SLC30A6: variants seen among roughly 807,000 people sequenced by gnomAD.
SLC30A6 encodes the protein solute carrier family 30 member 6, also known as zinc transporter 6.
A neutral mutation model predicts 63.0 loss-of-function variants in SLC30A6; 55 were observed. The ratio of observed to expected loss-of-function variants is 0.87; its 90% CI spans 0.70 to 1.09. SLC30A6 has a LOEUF of 1.09. Ranked by LOEUF, SLC30A6 falls within the 50% of genes least tolerant of loss-of-function variation. The pLI, the probability that SLC30A6 is intolerant of heterozygous loss-of-function variation, is 0.00. For synonymous variants in SLC30A6, 224 were observed against 186.1 expected (o/e 1.20, Z -1.66); for missense variants, 587 against 549.2 (o/e 1.07, Z -0.69).
At chr2:32,216,536 A>AAT (rs869151344) in intron 13 of SLC30A6, among the ~76,000 whole-genome samples, 2 of 24,428 alleles carry the variant, frequency 8.2e-5, no homozygotes, top group African/African-American at 2.9e-4. Flanking sequence ...ACTCTCTCAA[A>AAT]ATAAATAAAT....
chr2:32,207,602 C>G (rs1158342078), intron 12 of SLC30A6, among the ~76,000 whole-genome samples: 1 of 151,806 alleles, frequency 6.6e-6, no homozygotes. Context: ...GTCTTGAACT[C>G]CTGACCTTGT....
intron 1 of SLC30A6, among the ~76,000 whole-genome samples, chr2:32,166,866 A>G (rs916656904): frequency 2.6e-4 from 39 of 152,340 alleles, no homozygotes; most frequent in African/African-American, 9.1e-4. Context: ...CTTTTTGGCT[A>G]ATGATCAAAT....
At chr2:32,177,543 C>T (rs879723864) in intron 4 of SLC30A6, 6 of 205,380 alleles carry the variant, frequency 2.9e-5, no homozygotes, top group East Asian at 1.8e-4. Context: ...CCACCCACCT[C>T]GGCCTACCAA....
intron 10 of SLC30A6, chr2:32,203,868 A>T (rs1573380001): frequency 8.9e-7 from 1 of 1,122,574 alleles, no homozygotes; most frequent in Non-Finnish European, 1.4e-6. Flanking sequence ...CGGGCCGATC[A>T]GGTGGTCGAT....
chr2:32,181,512 C>A (rs1028546436), intron 4 of SLC30A6, among the ~76,000 whole-genome samples: 1 of 151,916 alleles, frequency 6.6e-6, no homozygotes, highest in Middle Eastern at 3.4e-3. Context: ...TTTCAGATTT[C>A]TTATTATTAA....
In SLC30A6 at chr2:32,192,925, C is replaced by A; in HGVS notation, c.373C>A (p.Arg125Ser). 1 of 1,522,152 alleles carries A rather than the reference C, an allele frequency of 6.6e-7. No homozygotes were observed. The highest frequency in any genetic ancestry group is 2.4e-5 in the East Asian group (1 of 41,984). The allele number at this position is 1,522,152 out of a possible 1,614,324, so 94.3% of individuals were successfully genotyped here. A position where few individuals can be genotyped will look rare whatever the true frequency, so the allele number is the denominator to read the frequency against. The change falls in exon 7 of 14, where the codon CGC (arginine) becomes AGC (serine). Residue 125 changes from arginine to serine, a missense_variant. Coordinates refer to ENST00000282587, the MANE Select transcript of SLC30A6 (RefSeq NM_017964.5). Reference sequence around the variant, plus strand: ...TATTTTTATTTCTTATAGTGCAGAACGCTTTTTGGAACAGCCCGAGATACA... The same window carrying A: ...TATTTTTATTTCTTATAGTGCAGAAAGCTTTTTGGAACAGCCCGAGATACA... ...ALFILKESAERFLEQPEIHTG... is the reference protein window; with the variant it reads ...ALFILKESAESFLEQPEIHTG...
chr2:32,209,865 A>G (rs1008738265), intron 13 of SLC30A6, among the ~76,000 whole-genome samples: 3 of 152,198 alleles, frequency 2.0e-5, no homozygotes, highest in African/African-American at 4.8e-5. Context: ...GTTAATGATA[A>G]TAATACAGGA....
intron 5 of SLC30A6, among the ~76,000 whole-genome samples, chr2:32,186,519 C>G (rs962527567): frequency 2.0e-5 from 3 of 152,020 alleles, no homozygotes; most frequent in Non-Finnish European, 4.4e-5. Context: ...AACCCCATCT[C>G]TACTAAAAAC....
At chr2:32,204,502 G>C in intron 10 of SLC30A6, 88 bp from the exon 11 acceptor site, 1 of 787,066 alleles carries the variant, frequency 1.3e-6, no homozygotes, top group Non-Finnish European at 2.0e-6. Flanking sequence ...CAGTCCTGTT[G>C]CTTTAGATAA....
At position 32,203,732 on chromosome 2, in the gene SLC30A6, A is replaced by G. The variant is rs936342324; in HGVS notation, c.666-858A>G. The G allele has an allele frequency of 3.3e-6, 5 of 1,526,342 alleles. No homozygotes were observed. The South Asian group carries it at 5.6e-5, about 17-fold the overall frequency. 94.5% of individuals were successfully genotyped at this position (1,526,342 alleles called of 1,614,324 possible). ...CCTACAACTAAGTCAGAAAGGTTACAGGCAGAGTGGCATGATTCCGACTGG... is the reference window on the plus strand; with the variant it reads ...CCTACAACTAAGTCAGAAAGGTTACGGGCAGAGTGGCATGATTCCGACTGG... On this transcript the variant is annotated intron_variant, in intron 10 of 13. Coordinates refer to ENST00000282587, the MANE Select transcript of SLC30A6 (RefSeq NM_017964.5).
chr2:32,198,852 A>C (rs1297725593), intron 10 of SLC30A6, among the ~76,000 whole-genome samples: 1 of 152,108 alleles, frequency 6.6e-6, no homozygotes, highest in Non-Finnish European at 1.5e-5. Context: ...TCATGACTGT[A>C]ATCCCAACAT....
chr2:32,221,675 A>G lies in SLC30A6; in HGVS notation c.*962A>G, dbSNP rs1686152395. The G allele has an allele frequency of 6.6e-6, 1 of 152,150 alleles. No homozygotes were observed. Among genetic ancestry groups the G allele is most frequent in the South Asian group, 2.1e-4 (1 of 4,828 alleles). The allele number at this position is 152,150 out of a possible 1,614,324, so 9.4% of individuals were successfully genotyped here. On this transcript the variant is annotated 3_prime_UTR_variant, in exon 14 of 14. Coordinates refer to ENST00000282587, the MANE Select transcript of SLC30A6 (RefSeq NM_017964.5). ...AATACATTCTATCTAGCACAATTTG[A>G]ATTTTTAATTATCAAGATTTTTGTT...
intron 4 of SLC30A6, among the ~76,000 whole-genome samples, chr2:32,177,260 T>C (rs1173541978): frequency 6.6e-6 from 1 of 152,206 alleles, no homozygotes; most frequent in Non-Finnish European, 1.5e-5. Flanking sequence ...CAGTCCTTTA[T>C]GACTGTCTTC....
intron 13 of SLC30A6, among the ~76,000 whole-genome samples, chr2:32,216,238 T>G (rs1558429555): frequency 6.6e-6 from 1 of 152,162 alleles, no homozygotes; most frequent in Non-Finnish European, 1.5e-5. Flanking sequence ...TTTCACTTTT[T>G]AATAATAACC....
Position 32,221,478 on chromosome 2 carries a change from T to C in SLC30A6, c.*765T>C, listed in dbSNP as rs965478759. 2 of 152,158 alleles carry C rather than the reference T, an allele frequency of 1.3e-5. No individual in the cohort carries two copies. Among genetic ancestry groups the C allele is most frequent in the African/African-American group, 4.8e-5 (2 of 41,450 alleles). 9.4% of individuals were successfully genotyped at this position (152,158 alleles called of 1,614,324 possible). ...TGGCCGATATTTTCTTTAATGAAAT[T>C]TATAAATATGCTTCTTGAATAATAC... On this transcript the variant is annotated 3_prime_UTR_variant, in exon 14 of 14. Transcript: ENST00000282587.
intron 3 of SLC30A6, 83 bp from the exon 4 acceptor site, chr2:32,175,236 C>G: frequency 1.5e-6 from 2 of 1,335,562 alleles, no homozygotes; most frequent in East Asian, 2.3e-5. Context: ...ATGGATACCC[C>G]TGGTAGAAAT....
intron 5 of SLC30A6, among the ~76,000 whole-genome samples, chr2:32,190,806 A>G (rs1326976626): frequency 6.6e-6 from 1 of 152,088 alleles, no homozygotes; most frequent in Non-Finnish European, 1.5e-5. Flanking sequence ...TTGTATTTTT[A>G]GTAGAGACTG....
intron 10 of SLC30A6, chr2:32,203,156 G>A: frequency 1.6e-6 from 2 of 1,256,374 alleles, no homozygotes; most frequent in East Asian, 2.3e-5. Flanking sequence ...CCTGTGGTTT[G>A]GACATTCCTG....
intron 13 of SLC30A6, among the ~76,000 whole-genome samples, chr2:32,216,567 AAATAAATAAATAAAT>A (rs1237940412): frequency 6.7e-6 from 1 of 149,340 alleles, no homozygotes; most frequent in African/African-American, 2.5e-5. Context: ...ATAAATAAAT[AAATAAATAAATAAAT>A]AATAATAATG....
Sources: allele counts gnomAD v4.1 joint callset (sites outside exome capture counted in the v4.1 genomes callset), GRCh38; gene constraint gnomAD v4.1.1; transcripts MANE v1.5; gene names NCBI Gene and HGNC (gene_info 2026-07-23, HGNC 2026-07-21).